The following PDE4D variants were observed in gnomAD, a reference collection of about 807,000 sequenced individuals.
PDE4D encodes 3',5'-cyclic-AMP phosphodiesterase 4D.
Under a neutral mutation model 87.4 loss-of-function variants are expected in PDE4D, and 24 were observed. That is an observed-to-expected ratio of 0.27 (90% CI 0.20 to 0.39). PDE4D has a LOEUF of 0.39. Ranked by LOEUF, PDE4D falls within the 10% of genes least tolerant of loss-of-function variation. The pLI is 1.00. For synonymous variants in PDE4D, 384 were observed against 383.2 expected, an observed-to-expected ratio of 1.00 and a Z score of -0.02; for missense variants, 714 against 1,041.0, an observed-to-expected ratio of 0.69 and a Z score of 4.32.
chr5:59,395,040 A>C (rs1789090193), intron 1 of PDE4D, among the ~76,000 whole-genome samples: 1 of 152,130 alleles, frequency 6.6e-6, no homozygotes, highest in South Asian at 2.1e-4. Context: ...AAAAAACAGC[A>C]CACCACGAGA....
chr5:59,432,069 A>G (rs1461153146), intron 1 of PDE4D, among the ~76,000 whole-genome samples: 1 of 152,110 alleles, frequency 6.6e-6, no homozygotes, highest in African/African-American at 2.4e-5. Flanking sequence ...AACATGCCAA[A>G]TGACACAGAA....
chr5:59,406,374 T>C, intron 1 of PDE4D, among the ~76,000 whole-genome samples: 1 of 82,640 alleles, frequency 1.2e-5, no homozygotes. Flanking sequence ...AACGTCTCCC[T>C]TATCTTTCCT....
At chr5:59,648,006 C>CTG (rs1008117502) in intron 1 of PDE4D, among the ~76,000 whole-genome samples, 3 of 152,148 alleles carry the variant, frequency 2.0e-5, no homozygotes, top group African/African-American at 7.2e-5. Flanking sequence ...TACAAATTCT[C>CTG]TGTGTGATTA....
intron 1 of PDE4D, among the ~76,000 whole-genome samples, chr5:59,630,530 T>C (rs1050250991): frequency 6.6e-6 from 1 of 152,148 alleles, no homozygotes; most frequent in African/African-American, 2.4e-5. Flanking sequence ...AAAATATGGG[T>C]GGTGGAAAGC....
intron 1 of PDE4D, among the ~76,000 whole-genome samples, chr5:59,647,472 T>TA (rs1554051456): frequency 0.01 from 1,523 of 149,752 alleles, 11 homozygotes; most frequent in East Asian, 0.025. Flanking sequence ...TTTTTTTTTT[T>TA]AATTAAAATA....
At chr5:59,915,972 T>C (rs1455633226) in intron 3 of PDE4D, among the ~76,000 whole-genome samples, 2 of 152,222 alleles carry the variant, frequency 1.3e-5, no homozygotes, top group African/African-American at 2.4e-5. Context: ...AAAAGTAATT[T>C]TTCCCCACAT....
intron 1 of PDE4D, among the ~76,000 whole-genome samples, chr5:60,438,474 G>A (rs564136411): frequency 1.5e-4 from 23 of 151,974 alleles, no homozygotes; most frequent in Non-Finnish European, 3.2e-4. Flanking sequence ...CTCTATGAGG[G>A]TAGAATATTG....
intron 1 of PDE4D, among the ~76,000 whole-genome samples, chr5:59,360,715 A>G (rs544596118): frequency 3.9e-5 from 6 of 152,330 alleles, no homozygotes; most frequent in East Asian, 1.9e-4. Context: ...TAAACCTTAT[A>G]TGAGTCTACT....
chr5:60,088,875 G>A (rs1774813384), intron 2 of PDE4D, among the ~76,000 whole-genome samples: 1 of 151,800 alleles, frequency 6.6e-6, no homozygotes, highest in African/African-American at 2.4e-5. Context: ...AAGACAGAGT[G>A]GCTGAATGAA....
At chr5:59,588,249 C>A (rs1825473812) in intron 1 of PDE4D, among the ~76,000 whole-genome samples, 1 of 152,154 alleles carries the variant, frequency 6.6e-6, no homozygotes, top group Admixed American at 6.5e-5. Context: ...TTCATGCTTG[C>A]TCCTTTGTTG....
intron 2 of PDE4D, among the ~76,000 whole-genome samples, chr5:59,195,238 A>G (rs1745194180): frequency 6.6e-6 from 1 of 152,178 alleles, no homozygotes; most frequent in African/African-American, 2.4e-5. Context: ...TCTGTCATCA[A>G]TAAATAATTT....
chr5:60,401,826 C>G (rs1250033241), intron 1 of PDE4D, among the ~76,000 whole-genome samples: 1 of 152,238 alleles, frequency 6.6e-6, no homozygotes, highest in East Asian at 1.9e-4. Flanking sequence ...CGTCAATCAA[C>G]AGATATGTCT....
chr5:59,483,639 A>G (rs1445855125), intron 1 of PDE4D, among the ~76,000 whole-genome samples: 1 of 152,104 alleles, frequency 6.6e-6, no homozygotes, highest in African/African-American at 2.4e-5. Context: ...GCTCATTGCA[A>G]CCAGGGACTG....
intron 1 of PDE4D, among the ~76,000 whole-genome samples, chr5:59,628,473 T>C (rs1831166974): frequency 6.6e-6 from 1 of 152,170 alleles, no homozygotes; most frequent in Non-Finnish European, 1.5e-5. Flanking sequence ...AAATTGAAAA[T>C]TTAGTTTCTT....
intron 5 of PDE4D, among the ~76,000 whole-genome samples, chr5:59,048,081 A>G (rs1760990329): frequency 6.6e-6 from 1 of 152,240 alleles, no homozygotes; most frequent in South Asian, 2.1e-4. Flanking sequence ...CAGACCGTAT[A>G]TACCCACAGG....
intron 5 of PDE4D, among the ~76,000 whole-genome samples, chr5:59,163,147 T>C (rs1781396066): frequency 6.7e-6 from 1 of 148,896 alleles, no homozygotes; most frequent in African/African-American, 2.5e-5. Flanking sequence ...GGTTTCACCA[T>C]GTTGCCCAGG....
At chr5:59,072,032 T>G (rs941773376) in intron 5 of PDE4D, among the ~76,000 whole-genome samples, 1 of 152,152 alleles carries the variant, frequency 6.6e-6, no homozygotes, top group Non-Finnish European at 1.5e-5. Flanking sequence ...TTGTTTTGGT[T>G]TCTTTCACTT....
intron 1 of PDE4D, among the ~76,000 whole-genome samples, chr5:60,380,712 G>C (rs921745465): frequency 1.3e-5 from 2 of 152,182 alleles, no homozygotes; most frequent in Non-Finnish European, 2.9e-5. Context: ...CACCTTGAAG[G>C]TGAACACAAT....
intron 1 of PDE4D, among the ~76,000 whole-genome samples, chr5:59,747,609 T>C (rs1759809525): frequency 6.6e-6 from 1 of 152,140 alleles, no homozygotes; most frequent in Non-Finnish European, 1.5e-5. Flanking sequence ...ACCTCCAACA[T>C]CTGTTCTCTG....
Sources: gnomAD v4.1 joint callset for allele counts (sites outside exome capture counted in the v4.1 genomes callset) on GRCh38, gnomAD v4.1.1 for gene constraint, MANE v1.5 for transcripts, NCBI Gene and HGNC (gene_info 2026-07-23, HGNC 2026-07-21) for gene names.